ASTN2: variants seen among roughly 807,000 people sequenced by gnomAD.
The protein encoded by ASTN2 is astrotactin 2.
Under a neutral mutation model 139.8 loss-of-function variants are expected in ASTN2, and 54 were observed. The observed-to-expected ratio is 0.39, with a 90% CI of 0.31 to 0.48. The LOEUF is 0.48. Among genes scored for constraint, ASTN2 ranks in the 20% least tolerant of loss-of-function variants. The pLI, the probability that ASTN2 is intolerant of heterozygous loss-of-function variation, is 0.95. For synonymous variants in ASTN2, 756 were observed against 719.5 expected, an observed-to-expected ratio of 1.05 and a Z score of -0.81; for missense variants, 1,565 against 1,725.1, an observed-to-expected ratio of 0.91 and a Z score of 1.64.
At chr9:116,893,833 A>T (rs767338604) in intron 10 of ASTN2, among the ~76,000 whole-genome samples, 2 of 152,152 alleles carry the variant, frequency 1.3e-5, no homozygotes, top group African/African-American at 4.8e-5. Flanking sequence ...GCCCACTGCC[A>T]GGTTAACTCC....
At chr9:116,719,128 C>G (rs1828405640) in intron 16 of ASTN2, among the ~76,000 whole-genome samples, 1 of 151,154 alleles carries the variant, frequency 6.6e-6, no homozygotes, top group South Asian at 2.1e-4. Context: ...GCTGACCAGG[C>G]AAGAGAACAA....
chr9:117,015,643 C>T lies in ASTN2; in HGVS notation c.1424-7384G>A, dbSNP rs1336037679. ...GATGGACAGAGGGATTATTATAATA[C>T]CCATAAAGTGTGTGAATCAGATGGA... On this transcript the variant is annotated intron_variant, in intron 6 of 22. Coordinates refer to ENST00000313400, the MANE Select transcript of ASTN2 (RefSeq NM_001365068.1). 2.0e-5 allele frequency among the ~76,000 whole-genome samples: 3 copies of T among 152,030 alleles called. 1 individual carries two copies. The South Asian group carries it at 6.2e-4, about 31-fold the overall frequency.
chr9:116,764,417 A>G (rs896224108), intron 13 of ASTN2, among the ~76,000 whole-genome samples: 1 of 152,144 alleles, frequency 6.6e-6, no homozygotes, highest in African/African-American at 2.4e-5. Flanking sequence ...TTGAGCCTGT[A>G]GGGCAGCTGA....
rs780265813 is a variant in ASTN2 at position 116,748,554 on chromosome 9, TC to T, written c.2397-15032del. Among the ~76,000 whole-genome samples the T allele has an allele frequency of 9.9e-4, 151 of 152,200 alleles. 2 individuals carry two copies. Among genetic ancestry groups the T allele is most frequent in the Non-Finnish European group, 3.5e-4 (24 of 68,032 alleles). ...ATTTTCTAATCTTAGGAATCCTCTA[TC>T]TCACACCAACATTTCACTACACACT... On this transcript the variant is annotated intron_variant, in intron 13 of 22. Coordinates refer to ENST00000313400, the MANE Select transcript of ASTN2 (RefSeq NM_001365068.1).
rs1251524352 is a variant in ASTN2 at position 116,506,763 on chromosome 9, C to T, written c.3356-19263G>A. Among the ~76,000 whole-genome samples the T allele has an allele frequency of 2.6e-5, 4 of 152,314 alleles. No individual in the cohort carries two copies. In the South Asian group the frequency reaches 8.3e-4, roughly 32 times the overall value. ...TATAAAGTGATGACTTACTTCACCG[C>T]CCAGAGGTTTCCATTTGCCAACTGG... On this transcript the variant is annotated intron_variant, in intron 19 of 22. Transcript: ENST00000313400.
At chr9:117,221,871 T>A (rs1032224246) in intron 2 of ASTN2, among the ~76,000 whole-genome samples, 9 of 149,564 alleles carry the variant, frequency 6.0e-5, no homozygotes, top group Non-Finnish European at 1.0e-4. Flanking sequence ...AAAAAGAAAC[T>A]GAGACTCAAA....
At chr9:117,361,179 C>T (rs1829683155) in intron 1 of ASTN2, among the ~76,000 whole-genome samples, 2 of 152,164 alleles carry the variant, frequency 1.3e-5, no homozygotes, top group African/African-American at 2.4e-5. Flanking sequence ...AAAAAACAGC[C>T]GAGCATTTGT....
intron 10 of ASTN2, among the ~76,000 whole-genome samples, chr9:116,959,395 A>T (rs1192288488): frequency 6.6e-6 from 1 of 152,146 alleles, no homozygotes; most frequent in Non-Finnish European, 1.5e-5. Context: ...CTGAGTCCTC[A>T]AGGGCTATGA....
intron 5 of ASTN2, among the ~76,000 whole-genome samples, chr9:117,084,528 A>G (rs188076995): frequency 3.9e-5 from 6 of 152,370 alleles, no homozygotes; most frequent in African/African-American, 1.4e-4. Flanking sequence ...ATCTTGAAGA[A>G]GCTACTCTGT....
At chr9:116,960,128 G>T (rs1835835013) in intron 10 of ASTN2, among the ~76,000 whole-genome samples, 1 of 152,138 alleles carries the variant, frequency 6.6e-6, no homozygotes, top group Non-Finnish European at 1.5e-5. Context: ...AGGAGAGGAG[G>T]TGTTGTCAGA....
chr9:117,032,138 T>C (rs911242199), intron 6 of ASTN2, among the ~76,000 whole-genome samples: 1 of 152,134 alleles, frequency 6.6e-6, no homozygotes, highest in Non-Finnish European at 1.5e-5. Context: ...TAATTCTAGG[T>C]AATGTTCATG....
intron 19 of ASTN2, among the ~76,000 whole-genome samples, chr9:116,527,557 T>C (rs893231457): frequency 3.9e-5 from 6 of 152,224 alleles, no homozygotes; most frequent in African/African-American, 1.4e-4. Context: ...AGAAAACTTG[T>C]ACACTATTTA....
intron 10 of ASTN2, among the ~76,000 whole-genome samples, chr9:116,933,979 C>CTTTTTTTTTTTGTTTTTTTTTTTT (rs1834987761): frequency 1.2e-5 from 1 of 86,910 alleles, no homozygotes; most frequent in Non-Finnish European, 2.2e-5. Context: ...AGTGTTAGTC[C>CTTTTTTTTTTTGTTTTTTTTTTTT]TTTTTTTTTT....
intron 17 of ASTN2, 31 bp from the exon 18 acceptor site, chr9:116,620,474 T>C: frequency 1.2e-6 from 2 of 1,613,484 alleles, no homozygotes; most frequent in Non-Finnish European, 1.7e-6. Context: ...GAATAGACAA[T>C]GATGACAACA....
At chr9:116,607,198 T>C (rs568108488) in intron 19 of ASTN2, among the ~76,000 whole-genome samples, 1 of 151,902 alleles carries the variant, frequency 6.6e-6, no homozygotes, top group Non-Finnish European at 1.5e-5. Context: ...TAATGCAGAG[T>C]CGAAAAGTTA....
intron 4 of ASTN2, among the ~76,000 whole-genome samples, chr9:117,135,852 C>T (rs1829938464): frequency 6.6e-6 from 1 of 152,044 alleles, no homozygotes; most frequent in Non-Finnish European, 1.5e-5. Context: ...ATGATCAGCA[C>T]TCGGACCTAG....
intron 1 of ASTN2, among the ~76,000 whole-genome samples, chr9:117,397,416 G>T (rs1464847589): frequency 6.6e-6 from 1 of 151,974 alleles, no homozygotes; most frequent in African/African-American, 2.4e-5. Context: ...GGTCAGGTGC[G>T]ACAACTATAA....
chr9:116,855,048 A>G lies in ASTN2; in HGVS notation c.2040+8535T>C, dbSNP rs114045747. On this transcript the variant is annotated intron_variant, in intron 11 of 22. Transcript: ENST00000313400. ...GGGGGCTGCTTCCTGACTTTAACAG[A>G]TAATGACTTCCACACAATAAAACCA... is the stretch of plus-strand genomic sequence containing the variant. 3.4e-3 allele frequency among the ~76,000 whole-genome samples: 518 copies of G among 152,262 alleles called. 1 individual carries two copies. The highest frequency in any genetic ancestry group is 0.011 in the African/African-American group (475 of 41,550).
intron 10 of ASTN2, among the ~76,000 whole-genome samples, chr9:116,900,829 C>A (rs190045576): frequency 6.6e-6 from 1 of 152,292 alleles, no homozygotes; most frequent in Admixed American, 6.5e-5. Context: ...TGGGAGGGGA[C>A]AGCACATTTA....
Sources: gnomAD v4.1 joint callset for allele counts (sites outside exome capture counted in the v4.1 genomes callset) on GRCh38, gnomAD v4.1.1 for gene constraint, MANE v1.5 for transcripts, NCBI Gene and HGNC (gene_info 2026-07-23, HGNC 2026-07-21) for gene names.